WWOX: variants seen among roughly 807,000 people sequenced by gnomAD.
WWOX encodes WW domain containing oxidoreductase.
Under a neutral mutation model 46.2 loss-of-function variants are expected in WWOX, and 69 were observed. The ratio of observed to expected loss-of-function variants is 1.49; its 90% CI spans 1.23 to 1.82. The LOEUF (loss-of-function observed/expected upper bound fraction) is 1.82, where lower values mean the gene tolerates loss of function less well. Ranked by LOEUF, WWOX falls within the 40% of genes most tolerant of loss-of-function variation. WWOX has a pLI of 0.00. For missense variants in WWOX, 919 were observed against 542.6 expected (o/e 1.69, Z -6.89); for synonymous variants, 359 against 202.6 (o/e 1.77, Z -6.56).
chr16:78,473,414 G>C (rs1392693907), intron 8 of WWOX, among the ~76,000 whole-genome samples: 1 of 152,146 alleles, frequency 6.6e-6, no homozygotes, highest in African/African-American at 2.4e-5. Context: ...ACAGACATGA[G>C]CCGACCTTTT....
chr16:78,842,123 T>C (rs1476310167), intron 8 of WWOX, among the ~76,000 whole-genome samples: 1 of 152,118 alleles, frequency 6.6e-6, no homozygotes, highest in Non-Finnish European at 1.5e-5. Context: ...AGATCAGCAA[T>C]GTATCTCTTA....
intron 8 of WWOX, among the ~76,000 whole-genome samples, chr16:78,445,722 A>G (rs1184090919): frequency 6.6e-6 from 1 of 152,156 alleles, no homozygotes; most frequent in Admixed American, 6.5e-5. Flanking sequence ...CTAAAAATAC[A>G]AAAATATTAT....
chr16:79,019,691 G>A (rs2047492840), intron 8 of WWOX, among the ~76,000 whole-genome samples: 1 of 151,970 alleles, frequency 6.6e-6, no homozygotes, highest in African/African-American at 2.4e-5. Context: ...CTCTCTAAGG[G>A]TGTAATTGTT....
At chr16:78,438,315 C>G (rs1567573801) in intron 8 of WWOX, among the ~76,000 whole-genome samples, 1 of 152,290 alleles carries the variant, frequency 6.6e-6, no homozygotes, top group South Asian at 2.1e-4. Flanking sequence ...TAAACTTTCA[C>G]TTGCTAATTG....
intron 8 of WWOX, among the ~76,000 whole-genome samples, chr16:78,851,689 G>T (rs571704660): frequency 1.3e-5 from 2 of 152,148 alleles, no homozygotes; most frequent in Admixed American, 1.3e-4. Context: ...AAAATACAAG[G>T]TGACTCCAAA....
chr16:78,713,273 C>CA (rs5818165), intron 8 of WWOX, among the ~76,000 whole-genome samples: 2,705 of 16,964 alleles, frequency 0.16, 617 homozygotes, highest in African/African-American at 0.23. Flanking sequence ...GACTCTGTCT[C>CA]AAAAAAAAAA....
intron 8 of WWOX, among the ~76,000 whole-genome samples, chr16:78,903,156 G>T (rs1597128880): frequency 6.6e-6 from 1 of 152,170 alleles, no homozygotes. Context: ...GAATCTTCTG[G>T]AGTCTAAATA....
intron 5 of WWOX, among the ~76,000 whole-genome samples, chr16:78,376,601 A>G (rs191790418): frequency 6.6e-6 from 1 of 152,296 alleles, no homozygotes; most frequent in African/African-American, 2.4e-5. Flanking sequence ...CATCCTCGGG[A>G]CTATTGAGGC....
intron 8 of WWOX, among the ~76,000 whole-genome samples, chr16:78,659,659 G>T (rs1417848738): frequency 1.3e-5 from 2 of 152,212 alleles, no homozygotes; most frequent in African/African-American, 4.8e-5. Context: ...GTTCAGGAGA[G>T]TTGTGTTTAC....
At chr16:78,153,594 A>G (rs769780756) in intron 4 of WWOX, among the ~76,000 whole-genome samples, 6 of 151,924 alleles carry the variant, frequency 3.9e-5, no homozygotes, top group African/African-American at 1.5e-4. Context: ...TTTTAGTGCT[A>G]TGTTTGTGGG....
intron 8 of WWOX, among the ~76,000 whole-genome samples, chr16:79,072,261 G>A (rs2048565410): frequency 6.6e-6 from 1 of 152,182 alleles, no homozygotes; most frequent in South Asian, 2.1e-4. Flanking sequence ...AATCTAGCCT[G>A]AGTAACAGAA....
chr16:78,826,276 G>A (rs1250158055), intron 8 of WWOX, among the ~76,000 whole-genome samples: 1 of 152,208 alleles, frequency 6.6e-6, no homozygotes, highest in Non-Finnish European at 1.5e-5. Context: ...AACCCGGGAG[G>A]TGGAGGTTGC....
intron 8 of WWOX, among the ~76,000 whole-genome samples, chr16:78,485,098 G>C (rs775537391): frequency 1.1e-4 from 16 of 151,794 alleles, no homozygotes; most frequent in Non-Finnish European, 1.6e-4. Context: ...CAGCCGGAAA[G>C]GAAACAGTTC....
Position 79,033,185 on chromosome 16 carries a change from A to G in WWOX, c.1057-178423A>G, listed in dbSNP as rs190624463. On this transcript the variant is annotated intron_variant, in intron 8 of 8. Transcript: ENST00000566780. ...TATATAAAATATATATTATGTATAG[A>G]TAATTTATATATAAATATGTGTATA... 2.2e-3 allele frequency among the ~76,000 whole-genome samples: 315 copies of G among 141,892 alleles called. 2 individuals are homozygous for G. Among genetic ancestry groups the G allele is most frequent in the Non-Finnish European group, 2.9e-3 (192 of 66,088 alleles). 93.1% of individuals were successfully genotyped at this position (141,892 alleles called of 152,430 possible).
intron 8 of WWOX, among the ~76,000 whole-genome samples, chr16:78,647,674 CCTT>C (rs2046876020): frequency 3.3e-5 from 5 of 152,194 alleles, no homozygotes; most frequent in Admixed American, 2.6e-4. Flanking sequence ...CAGACCATCA[CCTT>C]CTTATACCTC....
chr16:78,397,588 G>A (rs13332961), intron 6 of WWOX, among the ~76,000 whole-genome samples: 23,846 of 152,166 alleles, frequency 0.16, 2,364 homozygotes, highest in East Asian at 0.42. Context: ...AGAAAGATCT[G>A]TCTCATTTGG....
chr16:79,101,891 T>C (rs1050670660), intron 8 of WWOX: 2 of 151,502 alleles, frequency 1.3e-5, no homozygotes, highest in East Asian at 3.9e-4. Flanking sequence ...TGGAAGGCTT[T>C]CATGCATGAA....
At chr16:78,626,212 C>A (rs145068636) in intron 8 of WWOX, among the ~76,000 whole-genome samples, 1 of 151,868 alleles carries the variant, frequency 6.6e-6, no homozygotes, top group Non-Finnish European at 1.5e-5. Flanking sequence ...CTCACTGCAA[C>A]CTCCGCCTCG....
Position 78,242,700 on chromosome 16 carries a change from C to A in WWOX, c.516+78411C>A, listed in dbSNP as rs531547994. Among the ~76,000 whole-genome samples, 121 of 152,156 alleles carry A rather than the reference C, an allele frequency of 8.0e-4. 1 individual carries two copies. The highest frequency in any genetic ancestry group is 1.1e-3 in the Non-Finnish European group (75 of 68,000). ...AATAGGGGACAGGAGAGAGCGGAAG[C>A]AGAAAGAATAAGAGATATGAAAGCC... On this transcript the variant is annotated intron_variant, in intron 5 of 8. Coordinates refer to ENST00000566780, the MANE Select transcript of WWOX (RefSeq NM_016373.4).
Sources: allele counts gnomAD v4.1 joint callset (sites outside exome capture counted in the v4.1 genomes callset), GRCh38; gene constraint gnomAD v4.1.1; transcripts MANE v1.5; gene names NCBI Gene and HGNC (gene_info 2026-07-23, HGNC 2026-07-21).